STS: variants seen among roughly 807,000 people sequenced by gnomAD.
STS encodes steryl-sulfatase.
In STS, 7 loss-of-function variants were observed where a neutral mutation model predicts 26.8. That is an observed-to-expected ratio of 0.26 (90% CI 0.15 to 0.49). The LOEUF is 0.49. Among genes scored for constraint, STS ranks in the 20% least tolerant of loss-of-function variants. STS has a pLI of 0.98. For synonymous variants in STS, 199 were observed against 189.4 expected, an observed-to-expected ratio of 1.05 and a Z score of -0.42; for missense variants, 434 against 465.6, an observed-to-expected ratio of 0.93 and a Z score of 0.63.
At chrX:7,166,921 T>C (rs1933362355) in intron 1 of STS, among the ~76,000 whole-genome samples, 1 of 112,435 alleles carries the variant, frequency 8.9e-6, no homozygotes, top group Non-Finnish European at 1.9e-5. Flanking sequence ...GGTTTTACAT[T>C]CTGGTTAAGT....
chrX:7,219,935 G>T (rs772201345), intron 2 of STS, among the ~76,000 whole-genome samples: 2 of 112,346 alleles, frequency 1.8e-5, no homozygotes, highest in African/African-American at 3.2e-5. Context: ...TCGCTTTTGT[G>T]GCTGTTTCAA....
intron 9 of STS, among the ~76,000 whole-genome samples, chrX:7,331,563 G>A (rs1389824359): frequency 9.0e-6 from 1 of 111,636 alleles, no homozygotes; most frequent in Non-Finnish European, 1.9e-5. Context: ...GAGTCACTTT[G>A]AAAGTGGATT....
At chrX:7,324,712 A>C (rs368887714) in intron 8 of STS, among the ~76,000 whole-genome samples, 1 of 111,410 alleles carries the variant, frequency 9.0e-6, no homozygotes, top group African/African-American at 3.3e-5. Flanking sequence ...TGTTTCCATC[A>C]TGGACTGAAC....
chrX:7,305,842 G>A (rs1211046343), intron 8 of STS, among the ~76,000 whole-genome samples: 2 of 111,719 alleles, frequency 1.8e-5, no homozygotes, highest in Admixed American at 9.5e-5. Flanking sequence ...GGCCCACTTG[G>A]ATAATCCCAC....
intron 8 of STS, among the ~76,000 whole-genome samples, chrX:7,325,041 T>G (rs1428603485): frequency 3.6e-5 from 4 of 111,457 alleles, no homozygotes; most frequent in Non-Finnish European, 7.5e-5. Flanking sequence ...GACTCCAGAG[T>G]CATTGATTTG....
chrX:7,200,058 CTTT>C (rs5901338), intron 2 of STS, among the ~76,000 whole-genome samples: 4 of 97,805 alleles, frequency 4.1e-5, no homozygotes, highest in African/African-American at 7.3e-5. Context: ...TGTGAGCTTT[CTTT>C]TTTTTTTTTT....
chrX:7,266,648 A>G (rs1382718093), intron 6 of STS, among the ~76,000 whole-genome samples: 1 of 112,273 alleles, frequency 8.9e-6, no homozygotes, highest in East Asian at 2.8e-4. Context: ...ATGCACTTTA[A>G]TTAGCCAGAA....
In STS at chrX:7,237,439, C is replaced by T. The variant is rs141128708; in HGVS notation, c.-4-15757C>T. Among the ~76,000 whole-genome samples, 3 of 111,655 alleles carry T rather than the reference C, an allele frequency of 2.7e-5. No individual in the cohort carries two copies. The East Asian group carries it at 8.5e-4, about 32-fold the overall frequency. On this transcript the variant is annotated intron_variant, in intron 2 of 10. Transcript: ENST00000674429. ...TGCTGGGATTACAGGTGTGAAGTAC[C>T]ATGCCTGGCCTCAACATAGTATTTT... is the stretch of plus-strand genomic sequence containing the variant.
chrX:7,323,937 C>T (rs978823768), intron 8 of STS, among the ~76,000 whole-genome samples: 14 of 111,270 alleles, frequency 1.3e-4, no homozygotes, highest in African/African-American at 4.6e-4. Context: ...TTCTCTGACT[C>T]CCTCTTTCCC....
At chrX:7,185,822 A>G (rs1458699175) in intron 1 of STS, among the ~76,000 whole-genome samples, 1 of 112,579 alleles carries the variant, frequency 8.9e-6, no homozygotes, top group Non-Finnish European at 1.9e-5. Flanking sequence ...GATGATGAAT[A>G]GGTAAATTGA....
At chrX:7,205,721 T>C (rs1337878145) in intron 2 of STS, among the ~76,000 whole-genome samples, 2 of 105,176 alleles carry the variant, frequency 1.9e-5, no homozygotes, top group African/African-American at 7.0e-5. Context: ...GATGCGATCA[T>C]AGCAATCTCT....
chrX:7,345,995 C>G (rs1256010746), intron 10 of STS, among the ~76,000 whole-genome samples: 2 of 111,719 alleles, frequency 1.8e-5, no homozygotes, highest in Non-Finnish European at 3.8e-5. Context: ...ATAGAAATCA[C>G]AACGTCTCTT....
chrX:7,173,902 G>T (rs1010055373), intron 1 of STS, among the ~76,000 whole-genome samples: 16 of 112,225 alleles, frequency 1.4e-4, no homozygotes, highest in African/African-American at 5.2e-4. Context: ...TAGAATCTTT[G>T]GGAGAAAGTG....
chrX:7,275,492 A>G (rs1924485609), intron 6 of STS, among the ~76,000 whole-genome samples: 1 of 111,601 alleles, frequency 9.0e-6, no homozygotes, highest in East Asian at 2.8e-4. Flanking sequence ...TGCATATATC[A>G]ATTAAAAATT....
intron 2 of STS, among the ~76,000 whole-genome samples, chrX:7,236,976 G>A (rs1228603602): frequency 9.1e-6 from 1 of 109,759 alleles, no homozygotes; most frequent in Non-Finnish European, 1.9e-5. Context: ...CATGTTAAAG[G>A]AAACCACTCA....
At chrX:7,206,238 G>C (rs1934229725) in intron 2 of STS, among the ~76,000 whole-genome samples, 1 of 111,824 alleles carries the variant, frequency 8.9e-6, no homozygotes, top group Non-Finnish European at 1.9e-5. Context: ...ATATCTATTA[G>C]CTGAAGATTG....
chrX:7,263,484 C>T (rs1344884580), intron 6 of STS, among the ~76,000 whole-genome samples: 3 of 112,726 alleles, frequency 2.7e-5, no homozygotes, highest in Admixed American at 1.9e-4. Context: ...CAGTCACATG[C>T]GGTGCAGGTT....
chrX:7,242,469 G>A (rs1315914255), intron 2 of STS, among the ~76,000 whole-genome samples: 1 of 108,873 alleles, frequency 9.2e-6, no homozygotes, highest in African/African-American at 3.3e-5. Context: ...TCATGGTGGT[G>A]TGCCCTTGTA....
intron 2 of STS, among the ~76,000 whole-genome samples, chrX:7,238,928 A>T (rs1483786034): frequency 9.0e-6 from 1 of 111,439 alleles, no homozygotes; most frequent in African/African-American, 3.3e-5. Flanking sequence ...CTAAGTGAAG[A>T]CTTCAGTGTA....
Sources: gnomAD v4.1 joint callset for allele counts (sites outside exome capture counted in the v4.1 genomes callset) on GRCh38, gnomAD v4.1.1 for gene constraint, MANE v1.5 for transcripts, NCBI Gene and HGNC (gene_info 2026-07-23, HGNC 2026-07-21) for gene names.